The following PCDH8 variants were observed in gnomAD, a reference collection of about 807,000 sequenced individuals.
The protein encoded by PCDH8 is protocadherin-8.
A neutral mutation model predicts 58.2 loss-of-function variants in PCDH8; 36 were observed. The observed-to-expected ratio is 0.62, with a 90% confidence interval of 0.47 to 0.82. The LOEUF (loss-of-function observed/expected upper bound fraction) is 0.82. PCDH8 is among the 40% of genes least tolerant of loss of function. The pLI is 0.00. For missense variants in PCDH8, 1,493 were observed against 1,567.8 expected (o/e 0.95, Z 0.81); for synonymous variants, 775 against 728.9 (o/e 1.06, Z -1.02).
Position 52,846,752 on chromosome 13 carries a change from T to G in PCDH8, c.1685A>C (p.Tyr562Ser), listed in dbSNP as rs368954348. ...VSVDPATGAIYALRSFDYETL... is the reference protein window; with the variant it reads ...VSVDPATGAISALRSFDYETL... ...CTCATAGTCGAAGCTGCGCAGCGCG[T>G]AGATGGCTCCGGTAGCTGGGTCCAC... Residue 562 changes from tyrosine to serine, a missense_variant, in exon 1 of 3, where the codon TAC becomes TCC. Physicochemically the swap from Tyr to Ser is moderately radical, Grantham distance 144 (BLOSUM62 -2). Around this residue, in one of 3 missense-constraint regions of PCDH8, gnomAD observed 1,307 missense variants for 1,362.7 expected, o/e 0.96. Coordinates refer to ENST00000377942, the MANE Select transcript of PCDH8 (RefSeq NM_002590.4). 4 of 1,584,880 alleles carry G rather than the reference T, an allele frequency of 2.5e-6. No individual in the cohort carries two copies. The African/African-American group carries it at 5.4e-5, about 21-fold the overall frequency.
Position 52,846,317 on chromosome 13 carries a change from C to A in PCDH8, c.2120G>T (p.Ser707Ile). 6.4e-7 allele frequency: 1 copy of A among 1,570,726 alleles called. No individual in the cohort carries two copies. Reference protein sequence around the residue: ...RPPLTTTATVSFVVTAGGGRG... With the variant: ...RPPLTTTATVIFVVTAGGGRG... ...CCCGCCCCCTGCTGTTACCACGAAG[C>A]TGACAGTTGCGGTGGTGGTGAGCGG... is the stretch of plus-strand genomic sequence containing the variant. The change falls in exon 1 of 3, where the codon AGC (serine) becomes ATC (isoleucine). Residue 707 changes from serine to isoleucine, a missense_variant. Coordinates refer to ENST00000377942, the MANE Select transcript of PCDH8 (RefSeq NM_002590.4).
intron 1 of PCDH8, 58 bp from the exon 2 acceptor site, chr13:52,845,690 A>C: frequency 6.3e-7 from 1 of 1,585,956 alleles, no homozygotes; most frequent in South Asian, 1.1e-5. Flanking sequence ...AAACAAACAA[A>C]AAACAAGTGC....
Position 52,847,709 on chromosome 13 carries a change from G to C in PCDH8, c.728C>G (p.Pro243Arg). 1 of 1,539,760 alleles carries C rather than the reference G, an allele frequency of 6.5e-7. No homozygotes were observed. Among genetic ancestry groups the C allele is most frequent in the Non-Finnish European group, 8.7e-7 (1 of 1,151,750 alleles). ...VRVLDANDHS[P>R]AFPQGAVAEV... is the part of the protein sequence containing the mutation. ...GGCCACGGCGCCCTGCGGGAAGGCC[G>C]GGCTGTGGTCATTCGCATCCAGGAC... The change falls in exon 1 of 3, where the codon CCG becomes CGG. Residue 243 changes from proline to arginine, a missense_variant. Around this residue, in one of 3 missense-constraint regions of PCDH8, gnomAD observed 1,307 missense variants for 1,362.7 expected, o/e 0.96. Transcript: ENST00000377942.
Position 52,846,445 on chromosome 13 carries a change from G to A in PCDH8, c.1992C>T (p.Ile664=). 6.3e-7 allele frequency: 1 copy of A among 1,599,470 alleles called. No homozygotes were observed. ...QQQEPREAFA[I]GRRTGEILLT... ...GCAGTATCTCCCCCGTGCGGCGGCC[G>A]ATGGCGAAGGCTTCGCGCGGCTCCT... Residue 664 remains isoleucine, a synonymous_variant, in exon 1 of 3, where the codon ATC becomes ATT. Coordinates refer to ENST00000377942, the MANE Select transcript of PCDH8 (RefSeq NM_002590.4).
rs376226669 is a variant in PCDH8, at chr13:52,846,086, C to A, written c.2351G>T (p.Gly784Val). ...GGGCCGCTCTTCCCGGAGGGCCCCC[C>A]CTTTGCGCACCTCCTTCTTGCGGCG... Reference protein sequence around the residue: ...CNRRKKEVRKGGALREERPGA... With the variant: ...CNRRKKEVRKVGALREERPGA... Residue 784 changes from glycine (G) to valine (V), a missense_variant, in exon 1 of 3, where the codon GGG (glycine) becomes GTG (valine). Coordinates refer to ENST00000377942, the MANE Select transcript of PCDH8 (RefSeq NM_002590.4). 106 of 1,573,418 alleles carry A rather than the reference C, an allele frequency of 6.7e-5. No individual in the cohort carries two copies. Among genetic ancestry groups the A allele is most frequent in the Non-Finnish European group, 8.5e-5 (99 of 1,168,300 alleles).
At position 52,844,480 on chromosome 13, in the gene PCDH8, A is replaced by G; in HGVS notation, c.*80T>C. ...TGTAAGGCACATCTTGCATATTTAT[A>G]TATACAACACTGAAACCGGTCAATA... On this transcript the variant is annotated 3_prime_UTR_variant, in exon 3 of 3. Coordinates refer to ENST00000377942, the MANE Select transcript of PCDH8 (RefSeq NM_002590.4). 1 of 1,208,210 alleles carries G rather than the reference A, an allele frequency of 8.3e-7. No homozygotes were observed. Among genetic ancestry groups the G allele is most frequent in the East Asian group, 2.4e-5 (1 of 41,812 alleles). 74.8% of individuals were successfully genotyped at this position (1,208,210 alleles called of 1,614,324 possible).
rs762425136 is a variant in PCDH8 at position 52,847,831 on chromosome 13, C to T, written c.606G>A (p.Glu202=). The T allele has an allele frequency of 1.6e-5, 24 of 1,495,910 alleles. 1 individual carries two copies. In the East Asian group the frequency reaches 4.3e-4, roughly 27 times the overall value. 92.7% of individuals were successfully genotyped at this position (1,495,910 alleles called of 1,614,324 possible). The change falls in exon 1 of 3, where the codon GAG becomes GAA. Residue 202 remains glutamate, a synonymous_variant. Transcript: ENST00000377942. ...AQCADLVLLQ[E]LDRESQAAYS... The stretch of plus-strand genomic sequence containing the variant: ...AGGCGGCCTGGCTCTCGCGGTCCAG[C>T]TCCTGCAGCAGCACCAGGTCTGCGC...
chr13:52,846,627 C>A lies in PCDH8; in HGVS notation c.1810G>T (p.Asp604Tyr). 6.2e-7 allele frequency: 1 copy of A among 1,604,998 alleles called. No homozygotes were observed. Among genetic ancestry groups the A allele is most frequent in the South Asian group, 1.1e-5 (1 of 90,202 alleles). The stretch of plus-strand genomic sequence containing the variant: ...GGGTGCACCAGGACTGGCGCATGGT[C>A]GTTCTGGTCCAGCACGCGCACTTGC... ...LVQVRVLDQN[D>Y]HAPVLVHPAP... The change falls in exon 1 of 3, where the codon GAC becomes TAC. Residue 604 changes from aspartate to tyrosine, a missense_variant. Physicochemically the swap from Asp to Tyr is radical, Grantham distance 160. This residue lies in a region of PCDH8 where 1,307 missense variants were observed against 1,362.7 expected (regional missense o/e 0.96). Transcript: ENST00000377942.
In PCDH8 at chr13:52,846,999, C is replaced by G. The variant is rs1417227947; in HGVS notation, c.1438G>C (p.Val480Leu). The change falls in exon 1 of 3, where the codon GTG (valine) becomes CTG (leucine). Residue 480 changes from valine to leucine, a missense_variant. By Grantham distance (32) the Val-to-Leu change is conservative (BLOSUM62 1). This residue lies in a region of PCDH8 where 1,307 missense variants were observed against 1,362.7 expected (regional missense o/e 0.96). Transcript: ENST00000377942. ...CCCACACGCACCGTGTAGGGCCGCA[C>G]TGTGCGCAGCGGGGGCGCGCCGCGA... ...EDRGAPPLRT[V>L]RPYTVRVGDE... The G allele has an allele frequency of 6.3e-7, 1 of 1,579,032 alleles. No homozygotes were observed. The highest frequency in any genetic ancestry group is 8.6e-7 in the Non-Finnish European group (1 of 1,166,538).
At position 52,846,049 on chromosome 13, in the gene PCDH8, G is replaced by T. The variant is rs915305709; in HGVS notation, c.2388C>A (p.Gly796=). 4.0e-6 allele frequency: 6 copies of T among 1,505,586 alleles called. No individual in the cohort carries two copies. The highest frequency in any genetic ancestry group is 4.4e-6 in the Non-Finnish European group (5 of 1,144,976). 93.3% of individuals were successfully genotyped at this position (1,505,586 alleles called of 1,614,324 possible). Residue 796 remains glycine (G), a synonymous_variant, in exon 1 of 3, where the codon GGC becomes GGA. Transcript: ENST00000377942. ...GGGAGCCGGGAGCCGAGGCTCCGCCGCCCGCCGCCCCGGGCCGCTCTTCCC... is the reference window on the plus strand; with the variant it reads ...GGGAGCCGGGAGCCGAGGCTCCGCCTCCCGCCGCCCCGGGCCGCTCTTCCC... ...ALREERPGAA[G]GGASAPGSPE...
Position 52,847,135 on chromosome 13 carries a change from G to C in PCDH8, c.1302C>G (p.His434Gln). Reference sequence around the variant, plus strand: ...AGGCCGGCTGCAGCCGGAAGTGCTCGTGCCCATAGAGGGCGCAGCGCACTT... The same window carrying C: ...AGGCCGGCTGCAGCCGGAAGTGCTCCTGCCCATAGAGGGCGCAGCGCACTT... ...NGQVRCALYGHEHFRLQPAYA... is the reference protein window; with the variant it reads ...NGQVRCALYGQEHFRLQPAYA... The change falls in exon 1 of 3, where the codon CAC becomes CAG. Residue 434 changes from histidine to glutamine, a missense_variant. Transcript: ENST00000377942. The C allele has an allele frequency of 6.5e-7, 1 of 1,543,996 alleles. No homozygotes were observed. The highest frequency in any genetic ancestry group is 8.7e-7 in the Non-Finnish European group (1 of 1,153,186).
rs373463687 is a variant in PCDH8 at position 52,845,463 on chromosome 13, T to C, written c.2801A>G (p.Asp934Gly). 2.7e-5 allele frequency: 43 copies of C among 1,614,040 alleles called. 1 individual carries two copies. The highest frequency in any genetic ancestry group is 1.3e-4 in the East Asian group (6 of 44,878). The change falls in exon 2 of 3, where the codon GAC (aspartate) becomes GGC (glycine). Residue 934 changes from aspartate (D) to glycine (G), a missense_variant. By Grantham distance (94) the Asp-to-Gly change is moderately conservative. This residue lies in a region of PCDH8 where 182 missense variants were observed against 178.9 expected (regional missense o/e 1.02). Transcript: ENST00000377942. Reference sequence around the variant, plus strand: ...GTTGATGAGATCCTTTTTCAGAGCGTCCCCGCTGATGTCGGAATCGCTGTC... The same window carrying C: ...GTTGATGAGATCCTTTTTCAGAGCGCCCCCGCTGATGTCGGAATCGCTGTC... ...FNDSDSDISG[D>G]ALKKDLINHM...
chr13:52,844,545 A>G lies in PCDH8; in HGVS notation c.*15T>C. The G allele has an allele frequency of 1.3e-6, 2 of 1,559,366 alleles. No individual in the cohort carries two copies. On this transcript the variant is annotated 3_prime_UTR_variant, in exon 3 of 3. Coordinates refer to ENST00000377942, the MANE Select transcript of PCDH8 (RefSeq NM_002590.4). Reference sequence around the variant, plus strand: ...CGGAGTGACCTGTATATGTGTGAAGACATGCAGCATGGGATTACACATTTT... The same window carrying G: ...CGGAGTGACCTGTATATGTGTGAAGGCATGCAGCATGGGATTACACATTTT...
chr13:52,847,861 A>T lies in PCDH8; in HGVS notation c.576T>A (p.Ala192=), dbSNP rs767656417. 6.0e-6 allele frequency: 9 copies of T among 1,512,296 alleles called. No individual in the cohort carries two copies. The highest frequency in any genetic ancestry group is 7.9e-6 in the Non-Finnish European group (9 of 1,135,166). 93.7% of individuals were successfully genotyped at this position (1,512,296 alleles called of 1,614,324 possible). Residue 192 remains alanine, a synonymous_variant, in exon 1 of 3, where the codon GCT becomes GCA. Transcript: ENST00000377942. ...GCAGCAGCACCAGGTCTGCGCACTG[A>T]GCGCCGTCCGCTCGCGTCTGCAGCT... The part of the protein sequence containing the change: ...RVELQTRADG[A]QCADLVLLQE...
At position 52,846,726 on chromosome 13, in the gene PCDH8, T is replaced by A; in HGVS notation, c.1711A>T (p.Thr571Ser). Residue 571 changes from threonine (T) to serine (S), a missense_variant, in exon 1 of 3, where the codon ACG becomes TCG. This residue lies in a region of PCDH8 where 1,307 missense variants were observed against 1,362.7 expected (regional missense o/e 0.96). Transcript: ENST00000377942. ...ATGCGAACGTCGAGTTGGCGCAGCG[T>A]CTCATAGTCGAAGCTGCGCAGCGCG... ...IYALRSFDYE[T>S]LRQLDVRIQA... 1 of 1,593,384 alleles carries A rather than the reference T, an allele frequency of 6.3e-7. No individual in the cohort carries two copies. The highest frequency in any genetic ancestry group is 8.5e-7 in the Non-Finnish European group (1 of 1,175,384).
In PCDH8 at chr13:52,848,621, C is replaced by G; in HGVS notation, c.-185G>C. 1 of 1,199,756 alleles carries G rather than the reference C, an allele frequency of 8.3e-7. No homozygotes were observed. The highest frequency in any genetic ancestry group is 1.8e-5 in the South Asian group (1 of 54,530). The allele number at this position is 1,199,756 out of a possible 1,614,324, so 74.3% of individuals were successfully genotyped here. On this transcript the variant is annotated 5_prime_UTR_variant, in exon 1 of 3. Transcript: ENST00000377942. ...GCGGACCCGCCCTCACTCTGCGCCT[C>G]TCCGTCTCTTACAGAAGCTGCGCCG...
chr13:52,845,945 G>T lies in PCDH8; in HGVS notation c.2492C>A (p.Pro831His). ...VLTFPGTGKA[P>H]FGSPAADAPP... ...CGCGTCCGCCGCGGGGCTGCCAAAG[G>T]GCGCTTTGCCGGTGCCAGGGAAGGT... Residue 831 changes from proline to histidine, a missense_variant, in exon 1 of 3, where the codon CCC (proline) becomes CAC (histidine). Physicochemically the swap from Pro to His is moderately conservative, Grantham distance 77 (BLOSUM62 -2). This residue lies in a region of PCDH8 where 1,307 missense variants were observed against 1,362.7 expected (regional missense o/e 0.96). Transcript: ENST00000377942. 1 of 1,488,238 alleles carries T rather than the reference G, an allele frequency of 6.7e-7. No individual in the cohort carries two copies. The highest frequency in any genetic ancestry group is 8.8e-7 in the Non-Finnish European group (1 of 1,131,674). 92.2% of individuals were successfully genotyped at this position (1,488,238 alleles called of 1,614,324 possible).
At position 52,847,648 on chromosome 13, in the gene PCDH8, G is replaced by C. The variant is rs1161261765; in HGVS notation, c.789C>G (p.Ser263=). Residue 263 remains serine, a synonymous_variant, in exon 1 of 3, where the codon TCC becomes TCG. Transcript: ENST00000377942. Reference sequence around the variant, plus strand: ...CGGCTGCGTCCAGGTCGAGAAGCAGGGAGCCCACGGGCGCGTCTTCCGCCA... The same window carrying C: ...CGGCTGCGTCCAGGTCGAGAAGCAGCGAGCCCACGGGCGCGTCTTCCGCCA... ...VELAEDAPVG[S]LLLDLDAADP... 1 of 1,572,734 alleles carries C rather than the reference G, an allele frequency of 6.4e-7. No homozygotes were observed. Among genetic ancestry groups the C allele is most frequent in the Admixed American group, 1.7e-5 (1 of 57,352 alleles).
At position 52,846,964 on chromosome 13, in the gene PCDH8, G is replaced by C; in HGVS notation, c.1473C>G (p.Asn491Lys). The change falls in exon 1 of 3, where the codon AAC becomes AAG. Residue 491 changes from asparagine to lysine, a missense_variant. Physicochemically the swap from Asn to Lys is moderately conservative, Grantham distance 94. Around this residue, in one of 3 missense-constraint regions of PCDH8, gnomAD observed 1,307 missense variants for 1,362.7 expected, o/e 0.96. Transcript: ENST00000377942. ...GCCGCGTGAAGAGCGGCGCGTTGTC[G>C]TTCTCGTCGCCCACACGCACCGTGT... is the stretch of plus-strand genomic sequence containing the variant. ...RPYTVRVGDENDNAPLFTRPV... is the reference protein window; with the variant it reads ...RPYTVRVGDEKDNAPLFTRPV... 3.1e-6 allele frequency: 5 copies of C among 1,595,862 alleles called. No homozygotes were observed. Among genetic ancestry groups the C allele is most frequent in the Non-Finnish European group, 4.3e-6 (5 of 1,174,254 alleles).
Sources: allele counts gnomAD v4.1 joint callset, GRCh38; gene constraint gnomAD v4.1.1; regional missense constraint gnomAD v4.1.1; transcripts MANE v1.5; gene names NCBI Gene and HGNC (gene_info 2026-07-23, HGNC 2026-07-21).